Variants in ARHGAP6 observed in about 807,000 individuals in gnomAD.
The protein encoded by ARHGAP6 is rho GTPase-activating protein 6.
In ARHGAP6, 16 loss-of-function variants were observed where a neutral mutation model predicts 55.7. The ratio of observed to expected loss-of-function variants is 0.29; its 90% CI spans 0.19 to 0.44. The LOEUF is 0.44. ARHGAP6 is among the 20% of genes least tolerant of loss of function. ARHGAP6 has a pLI of 1.00. For synonymous variants in ARHGAP6, 382 were observed against 360.9 expected (o/e 1.06, Z -0.66); for missense variants, 698 against 808.9 (o/e 0.86, Z 1.66).
At chrX:11,269,372 A>G (rs763470454) in intron 1 of ARHGAP6, among the ~76,000 whole-genome samples, 2 of 112,060 alleles carry the variant, frequency 1.8e-5, no homozygotes, top group Admixed American at 9.5e-5. Flanking sequence ...TTTGCTGAGC[A>G]TGTAGAAAGT....
At chrX:11,476,202 T>C (rs2050402041) in intron 1 of ARHGAP6, among the ~76,000 whole-genome samples, 1 of 111,106 alleles carries the variant, frequency 9.0e-6, no homozygotes, top group African/African-American at 3.3e-5. Context: ...GAGCATGGCC[T>C]CAGGATGCAA....
intron 11 of ARHGAP6, 149 bp from the exon 12 acceptor site, chrX:11,142,462 G>T: frequency 3.3e-6 from 1 of 298,737 alleles, no homozygotes; most frequent in East Asian, 5.9e-5. Flanking sequence ...ACCTTTCAGC[G>T]TGTTCATTCT....
intron 1 of ARHGAP6, among the ~76,000 whole-genome samples, chrX:11,546,520 A>T (rs1389121631): frequency 8.9e-6 from 1 of 112,058 alleles, no homozygotes; most frequent in Non-Finnish European, 1.9e-5. Context: ...AGCTAATTCT[A>T]TTAGACTTAA....
chrX:11,586,259 C>T (rs2051732878), intron 1 of ARHGAP6, among the ~76,000 whole-genome samples: 1 of 112,001 alleles, frequency 8.9e-6, no homozygotes, highest in Non-Finnish European at 1.9e-5. Flanking sequence ...TTCCTATTTC[C>T]AGAATGGTAT....
intron 2 of ARHGAP6, among the ~76,000 whole-genome samples, chrX:11,217,740 G>A (rs1439049046): frequency 8.9e-6 from 1 of 112,027 alleles, no homozygotes. Flanking sequence ...GTCAATTATG[G>A]CTTTTGTTGC....
chrX:11,403,557 T>A (rs2049575845), intron 1 of ARHGAP6, among the ~76,000 whole-genome samples: 1 of 112,361 alleles, frequency 8.9e-6, no homozygotes, highest in South Asian at 3.7e-4. Flanking sequence ...TTTAAACTTA[T>A]CTAAATGTGG....
At chrX:11,545,272 T>C (rs1328609562) in intron 1 of ARHGAP6, among the ~76,000 whole-genome samples, 1 of 112,593 alleles carries the variant, frequency 8.9e-6, no homozygotes, top group Non-Finnish European at 1.9e-5. Flanking sequence ...TAATAACGCC[T>C]TTCAAAAATC....
Position 11,664,386 on chromosome X carries a change from C to T in ARHGAP6, c.443G>A (p.Ser148Asn). ...DLPSVLAGPASSRSASSILCS... is the reference protein window; with the variant it reads ...DLPSVLAGPANSRSASSILCS... ...GAGGATGCTGGAAGCGCTTCGGCTA[C>T]TGGCTGGCCCGGCCAGGACAGAAGG... Residue 148 changes from serine to asparagine, a missense_variant, in exon 1 of 13, where the codon AGT becomes AAT. Around this residue, in one of 3 missense-constraint regions of ARHGAP6, gnomAD observed 164 missense variants for 149.2 expected, o/e 1.10. Transcript: ENST00000337414. 2.5e-6 allele frequency: 3 copies of T among 1,211,980 alleles called. No homozygotes were observed. The highest frequency in any genetic ancestry group is 3.4e-6 in the Non-Finnish European group (3 of 895,502).
At chrX:11,539,011 C>T (rs1022533960) in intron 1 of ARHGAP6, among the ~76,000 whole-genome samples, 4 of 110,347 alleles carry the variant, frequency 3.6e-5, no homozygotes, top group Admixed American at 9.8e-5. Flanking sequence ...TGTGCCACCA[C>T]GCGTGGCTAA....
At chrX:11,167,287 T>C (rs758699445) in intron 9 of ARHGAP6, among the ~76,000 whole-genome samples, 30 of 110,376 alleles carry the variant, frequency 2.7e-4, no homozygotes, top group Non-Finnish European at 5.3e-4. Context: ...ATGTTAACAG[T>C]GGTGAGTGCT....
chrX:11,417,994 AAGTC>A (rs1420299859), intron 1 of ARHGAP6, among the ~76,000 whole-genome samples: 3 of 112,290 alleles, frequency 2.7e-5, no homozygotes, highest in Non-Finnish European at 5.6e-5. Flanking sequence ...TTATTACTCT[AAGTC>A]AGACTAAATA....
intron 1 of ARHGAP6, among the ~76,000 whole-genome samples, chrX:11,591,721 T>G (rs900563737): frequency 8.9e-6 from 1 of 112,094 alleles, no homozygotes; most frequent in African/African-American, 3.2e-5. Context: ...TAATGTCATT[T>G]AAATGGACAT....
intron 1 of ARHGAP6, among the ~76,000 whole-genome samples, chrX:11,609,169 T>C (rs2052072399): frequency 8.9e-6 from 1 of 112,037 alleles, no homozygotes; most frequent in Non-Finnish European, 1.9e-5. Flanking sequence ...ACAAACTCAT[T>C]ATCTTAAATT....
chrX:11,520,131 T>TTATATATATATATATATA (rs1160731443), intron 1 of ARHGAP6, among the ~76,000 whole-genome samples: 2 of 18,250 alleles, frequency 1.1e-4, no homozygotes, highest in Non-Finnish European at 2.0e-4. Flanking sequence ...AGAATTGATT[T>TTATATATATATATATATA]TATATATATA....
intron 2 of ARHGAP6, among the ~76,000 whole-genome samples, chrX:11,206,938 T>C (rs2046712594): frequency 8.9e-6 from 1 of 112,030 alleles, no homozygotes; most frequent in Non-Finnish European, 1.9e-5. Flanking sequence ...TTTCTCTGTT[T>C]TGATAAACAG....
At chrX:11,207,572 C>T (rs562172679) in intron 2 of ARHGAP6, among the ~76,000 whole-genome samples, 1 of 111,565 alleles carries the variant, frequency 9.0e-6, no homozygotes, top group African/African-American at 3.3e-5. Context: ...TCTACACTGG[C>T]TCTATCTATG....
chrX:11,545,200 A>C (rs1245911241), intron 1 of ARHGAP6, among the ~76,000 whole-genome samples: 1 of 112,350 alleles, frequency 8.9e-6, no homozygotes, highest in Non-Finnish European at 1.9e-5. Flanking sequence ...CCATGATTCT[A>C]TTATGTAATT....
At chrX:11,225,221 CTG>C (rs1038940882) in intron 2 of ARHGAP6, among the ~76,000 whole-genome samples, 1 of 110,783 alleles carries the variant, frequency 9.0e-6, no homozygotes, top group African/African-American at 3.3e-5. Context: ...GAGGAGAACA[CTG>C]TTGTTGGAGA....
At chrX:11,564,716 T>C (rs1293843434) in intron 1 of ARHGAP6, among the ~76,000 whole-genome samples, 1 of 112,000 alleles carries the variant, frequency 8.9e-6, no homozygotes, top group Non-Finnish European at 1.9e-5. Flanking sequence ...GTCAATTTCA[T>C]GGATGCCTCA....
Sources: gnomAD v4.1 joint callset for allele counts (sites outside exome capture counted in the v4.1 genomes callset) on GRCh38, gnomAD v4.1.1 for gene constraint, gnomAD v4.1.1 regional missense constraint, MANE v1.5 for transcripts, NCBI Gene and HGNC (gene_info 2026-07-23, HGNC 2026-07-21) for gene names.